Variants in TMEM182 observed in about 807,000 individuals in gnomAD.
The protein encoded by TMEM182 is transmembrane protein 182.
A neutral mutation model predicts 26.8 loss-of-function variants in TMEM182; 20 were observed. The ratio of observed to expected loss-of-function variants is 0.75; its 90% CI spans 0.53 to 1.09. The LOEUF (loss-of-function observed/expected upper bound fraction) is 1.09, where lower values mean the gene tolerates loss of function less well. Among genes scored for constraint, TMEM182 ranks in the 50% least tolerant of loss-of-function variants. The pLI, the probability that TMEM182 is intolerant of heterozygous loss-of-function variation, is 0.00. For missense variants in TMEM182, 277 were observed against 275.5 expected (o/e 1.01, Z -0.04); for synonymous variants, 109 against 102.2 (o/e 1.07, Z -0.40).
intron 1 of TMEM182, among the ~76,000 whole-genome samples, chr2:102,737,674 C>T (rs1679396364): frequency 1.3e-5 from 2 of 152,098 alleles, no homozygotes; most frequent in South Asian, 4.2e-4. Flanking sequence ...AAGGCCATAA[C>T]AGAGATTTGG....
At chr2:102,839,936 A>C (rs971686211) in intron 3 of TMEM182, among the ~76,000 whole-genome samples, 5 of 152,208 alleles carry the variant, frequency 3.3e-5, no homozygotes, top group African/African-American at 1.2e-4. Context: ...CAAAAGACAT[A>C]TTCTCAGGGA....
At chr2:102,804,048 G>A (rs1317428880) in intron 4 of TMEM182, among the ~76,000 whole-genome samples, 1 of 152,256 alleles carries the variant, frequency 6.6e-6, no homozygotes, top group Non-Finnish European at 1.5e-5. Flanking sequence ...GCACACTGTG[G>A]ACAAGCGCAG....
intron 4 of TMEM182, among the ~76,000 whole-genome samples, chr2:102,809,188 A>C (rs1682457647): frequency 6.6e-6 from 1 of 152,216 alleles, no homozygotes; most frequent in Non-Finnish European, 1.5e-5. Context: ...AGAAATGTTT[A>C]TATGAAGATG....
chr2:102,802,385 C>T lies in TMEM182; in HGVS notation c.469+4385C>T, dbSNP rs1388338495. ...AAGGTGGATATTGCTTCTCCCTACACTTGGGCAGAGACTTCCTCAGGCAGG... is the reference window on the plus strand; with the variant it reads ...AAGGTGGATATTGCTTCTCCCTACATTTGGGCAGAGACTTCCTCAGGCAGG... On this transcript the variant is annotated intron_variant, in intron 4 of 4. Coordinates refer to ENST00000412401, the MANE Select transcript of TMEM182 (RefSeq NM_144632.5). 2.0e-5 allele frequency among the ~76,000 whole-genome samples: 3 copies of T among 152,178 alleles called. No homozygotes were observed. The East Asian group carries it at 5.8e-4, about 29-fold the overall frequency.
intron 3 of TMEM182, among the ~76,000 whole-genome samples, chr2:102,781,205 C>T (rs1260674548): frequency 1.3e-5 from 2 of 152,204 alleles, no homozygotes; most frequent in African/African-American, 2.4e-5. Context: ...TCTGAAGGAA[C>T]AGCTGACTGG....
Position 102,817,461 on chromosome 2 carries a change from C to T in TMEM182, c.*2493C>T, listed in dbSNP as rs1682794501. 1.2e-5 allele frequency: 12 copies of T among 985,228 alleles called. No individual in the cohort carries two copies. In the South Asian group the frequency reaches 2.8e-4, roughly 23 times the overall value. 61.0% of individuals were successfully genotyped at this position (985,228 alleles called of 1,614,324 possible). A position where few individuals can be genotyped will look rare whatever the true frequency, so the allele number is the denominator to read the frequency against. Reference sequence around the variant, plus strand: ...GTATTTGTTCAGCTGGTTTAATTCACTCAGGTGGATGATTGCACATACATT... The same window carrying T: ...GTATTTGTTCAGCTGGTTTAATTCATTCAGGTGGATGATTGCACATACATT... On this transcript the variant is annotated 3_prime_UTR_variant, in exon 5 of 5. Transcript: ENST00000412401.
In TMEM182 at chr2:102,836,319, C is replaced by T. The variant is rs974926562; in HGVS notation, c.326-7093C>T. On this transcript the variant is annotated intron_variant, in intron 3 of 3. Coordinates refer to the TMEM182 transcript ENST00000486293. ...TTAGAAGAAACCTCCAAATTATCTT[C>T]GAAAGTAGCTGCACAATGTTGCATT... 2.2e-4 allele frequency among the ~76,000 whole-genome samples: 34 copies of T among 152,160 alleles called. 1 individual carries two copies. Among genetic ancestry groups the T allele is most frequent in the African/African-American group, 3.1e-4 (13 of 41,436 alleles).
In TMEM182 at chr2:102,816,039, C is replaced by G. The variant is rs180810596; in HGVS notation, c.*1071C>G. The G allele has an allele frequency of 1.6e-4, 161 of 984,854 alleles. 2 individuals are homozygous for G. In the African/African-American group the frequency reaches 2.7e-3, roughly 16 times the overall value. The allele number at this position is 984,854 out of a possible 1,614,324, so 61.0% of individuals were successfully genotyped here. On this transcript the variant is annotated 3_prime_UTR_variant, in exon 5 of 5. Transcript: ENST00000412401. ...TTTACAATAGATATATTAACATTTA[C>G]AGATCGACTATTTCCTTTAACCTCC...
At chr2:102,819,114 G>A (rs1301007778), downstream of TMEM182, among the ~76,000 whole-genome samples, 1 of 152,186 alleles carries the variant, frequency 6.6e-6, no homozygotes, top group African/African-American at 2.4e-5. Flanking sequence ...CACTGAAAAT[G>A]TAGGATAGTT....
Position 102,762,053 on chromosome 2 carries a change from C to A in TMEM182, c.-165C>A. Reference sequence around the variant, plus strand: ...TATGAATCTGCCGGTGGGGCGTGAGCGAGAAGCCACCAAAACATGAGCTAG... The same window carrying A: ...TATGAATCTGCCGGTGGGGCGTGAGAGAGAAGCCACCAAAACATGAGCTAG... On this transcript the variant is annotated 5_prime_UTR_variant, in exon 1 of 5. Coordinates refer to ENST00000412401, the MANE Select transcript of TMEM182 (RefSeq NM_144632.5). 1.7e-6 allele frequency: 1 copy of A among 580,868 alleles called. No homozygotes were observed. The highest frequency in any genetic ancestry group is 2.9e-6 in the Non-Finnish European group (1 of 343,346). 36.0% of individuals were successfully genotyped at this position (580,868 alleles called of 1,614,324 possible).
At chr2:102,797,718 C>A in intron 3 of TMEM182, 145 bp from the exon 4 acceptor site, 2 of 971,420 alleles carry the variant, frequency 2.1e-6, no homozygotes, top group East Asian at 2.7e-5. Flanking sequence ...CCTGTTTGTT[C>A]AGACCCATCC....
At chr2:102,748,808 A>T (rs150067608) in intron 1 of TMEM182, among the ~76,000 whole-genome samples, 2,345 of 152,328 alleles carry the variant, frequency 0.015, 70 homozygotes, top group African/African-American at 0.054. Context: ...AAATTTACAT[A>T]AATTCTAACC....
chr2:102,742,774 T>C (rs1679580510), intron 1 of TMEM182, among the ~76,000 whole-genome samples: 1 of 152,140 alleles, frequency 6.6e-6, no homozygotes, highest in Non-Finnish European at 1.5e-5. Flanking sequence ...TTTAAAGTGT[T>C]AGTAGAAAAA....
At chr2:102,779,015 G>T (rs185274687) in intron 3 of TMEM182, among the ~76,000 whole-genome samples, 7 of 151,936 alleles carry the variant, frequency 4.6e-5, no homozygotes, top group African/African-American at 1.7e-4. Context: ...TAATTCTGTT[G>T]GTGACAAATC....
chr2:102,779,749 C>T (rs889662279), intron 3 of TMEM182, among the ~76,000 whole-genome samples: 3 of 151,452 alleles, frequency 2.0e-5, no homozygotes, highest in African/African-American at 7.3e-5. Flanking sequence ...GTAATCCCAG[C>T]ATTTTGGGAG....
chr2:102,768,523 TAAA>T (rs748149757), intron 3 of TMEM182, among the ~76,000 whole-genome samples: 2 of 116,078 alleles, frequency 1.7e-5, no homozygotes. Flanking sequence ...CTATCTGTAC[TAAA>T]AAAAAAAAAA....
chr2:102,841,811 G>T (rs1403619907), intron 3 of TMEM182, among the ~76,000 whole-genome samples: 1 of 152,156 alleles, frequency 6.6e-6, no homozygotes, highest in Non-Finnish European at 1.5e-5. Context: ...TAACTTGATG[G>T]CATGGAAAGA....
chr2:102,823,854 G>C (rs745566118), intron 3 of TMEM182, among the ~76,000 whole-genome samples: 1 of 152,194 alleles, frequency 6.6e-6, no homozygotes, highest in Non-Finnish European at 1.5e-5. Context: ...CCATCCACTG[G>C]TTTAATGGGA....
chr2:102,764,509 A>C, intron 3 of TMEM182, 82 bp downstream of exon 3: 2 of 1,141,804 alleles, frequency 1.8e-6, no homozygotes. Flanking sequence ...GTTGTGAGCA[A>C]TTAAAAAAAT....
Sources: gnomAD v4.1 joint callset for allele counts (sites outside exome capture counted in the v4.1 genomes callset) on GRCh38, gnomAD v4.1.1 for gene constraint, MANE v1.5 for transcripts, NCBI Gene and HGNC (gene_info 2026-07-23, HGNC 2026-07-21) for gene names.